SH3BP1: variants seen among roughly 807,000 people sequenced by gnomAD.
SH3BP1 encodes SH3 domain binding protein 1.
In SH3BP1, 46 loss-of-function variants were observed where a neutral mutation model predicts 69.8. That is an observed-to-expected ratio of 0.66 (90% CI 0.52 to 0.84). The LOEUF (loss-of-function observed/expected upper bound fraction) is 0.84, where lower values mean the gene tolerates loss of function less well. Among genes scored for constraint, SH3BP1 ranks in the 40% least tolerant of loss-of-function variants. The pLI is 0.00. For synonymous variants in SH3BP1, 403 were observed against 378.0 expected, an observed-to-expected ratio of 1.07 and a Z score of -0.77; for missense variants, 868 against 930.9, an observed-to-expected ratio of 0.93 and a Z score of 0.88.
chr22:37,646,798 C>G lies in SH3BP1; in HGVS notation c.925-20C>G, dbSNP rs1932792375. On this transcript the variant is annotated intron_variant, in intron 10 of 17. Transcript: ENST00000649765. ...CTGCCCACCCCTCTGTGACCCTTGC[C>G]TGCCTCCTCTCGAACCCAGGGTCTC... 1 of 1,474,552 alleles carries G rather than the reference C, an allele frequency of 6.8e-7. No homozygotes were observed. The highest frequency in any genetic ancestry group is 9.0e-7 in the Non-Finnish European group (1 of 1,108,226). 91.3% of individuals were successfully genotyped at this position (1,474,552 alleles called of 1,614,324 possible).
intron 9 of SH3BP1, 177 bp from the exon 10 acceptor site, chr22:37,645,188 A>AC (rs34409217): frequency 0.12 from 115,812 of 942,766 alleles, 9,263 homozygotes; most frequent in African/African-American, 0.33. Flanking sequence ...GGTGGCCTGG[A>AC]CTAGGACAGA....
intron 14 of SH3BP1, chr22:37,649,744 A>G (rs1459101273): frequency 3.7e-6 from 1 of 269,318 alleles, no homozygotes; most frequent in Non-Finnish European, 7.4e-6. Flanking sequence ...AGATCGGGCC[A>G]CTGCACCCCA....
At chr22:37,648,525 T>A (rs1460037743) in intron 14 of SH3BP1, 90 bp downstream of exon 14, 4 of 890,338 alleles carry the variant, frequency 4.5e-6, no homozygotes, top group Non-Finnish European at 7.2e-6. Context: ...GGCCTTGGTG[T>A]CCCCATTTTT....
Position 37,655,572 on chromosome 22 carries a change from TG to T in SH3BP1, c.1999del (p.Ala667LeufsTer42). The T allele has an allele frequency of 6.3e-7, 1 of 1,585,962 alleles. No individual in the cohort carries two copies. Among genetic ancestry groups the T allele is most frequent in the East Asian group, 2.3e-5 (1 of 43,654 alleles). On this transcript the variant is annotated frameshift_variant, in exon 18 of 18. Transcript: ENST00000649765. LOFTEE classifies it low-confidence loss of function (END_TRUNC). Reference sequence around the variant, plus strand: ...TTGAGTAACCCTGCACAGGTGGACCTGGGGGCTGCCACAGCAGAGGGAGGAG... The same window carrying T: ...TTGAGTAACCCTGCACAGGTGGACCTGGGGCTGCCACAGCAGAGGGAGGAG... ...VSLSNPAQVD[L>X]GAATAEGGAP...
rs762283796 is a variant in SH3BP1, at chr22:37,642,979, CCTGCAGCCACTCAGCAGG to C, written c.373_390del (p.Gln125_Leu130del). On this transcript the variant is annotated inframe_deletion, in exon 5 of 18. Coordinates refer to ENST00000649765, the MANE Select transcript of SH3BP1 (RefSeq NM_018957.6). ...TTGAGATGACCCTGGAGAGGGACGTCCTGCAGCCACTCAGCAGGCTGAGTGAGGTGAGCCTGTGCCCTG... is the reference window on the plus strand; with the variant it reads ...TTGAGATGACCCTGGAGAGGGACGTCCTGAGTGAGGTGAGCCTGTGCCCTG... 7 of 1,612,784 alleles carry C rather than the reference CCTGCAGCCACTCAGCAGG, an allele frequency of 4.3e-6. No homozygotes were observed. The highest frequency in any genetic ancestry group is 5.9e-6 in the Non-Finnish European group (7 of 1,179,942).
intron 10 of SH3BP1, among the ~76,000 whole-genome samples, chr22:37,646,131 T>C (rs1034797461): frequency 1.3e-5 from 2 of 151,856 alleles, no homozygotes; most frequent in Non-Finnish European, 2.9e-5. Context: ...CACGCCCAGC[T>C]AATTTTTGTA....
chr22:37,644,215 T>A (rs1932728963), intron 7 of SH3BP1, among the ~76,000 whole-genome samples: 1 of 152,056 alleles, frequency 6.6e-6, no homozygotes, highest in African/African-American at 2.4e-5. Flanking sequence ...CTGTCTCTAC[T>A]AAAAATACAA....
At chr22:37,639,920 C>A in intron 1 of SH3BP1, 74 bp downstream of exon 1, 1 of 475,068 alleles carries the variant, frequency 2.1e-6, no homozygotes, top group Non-Finnish European at 4.0e-6. Context: ...TCGGGGGAGA[C>A]GGGGGTGGGG....
rs756606181 is a variant in SH3BP1 at position 37,645,377 on chromosome 22, C to G, written c.791C>G (p.Ser264Trp). Residue 264 changes from serine to tryptophan, a missense_variant, in exon 10 of 18, where the codon TCG (serine) becomes TGG (tryptophan). Physicochemically the swap from Ser to Trp is radical, Grantham distance 177 (BLOSUM62 -3). Coordinates refer to ENST00000649765, the MANE Select transcript of SH3BP1 (RefSeq NM_018957.6). ...TTCATCCCTGCAGACCACTCCCCTT[C>G]GATGACAGCCACCCACTTCCCCAGG... ...ENHGQADHSPSMTATHFPRVY... is the reference protein window; with the variant it reads ...ENHGQADHSPWMTATHFPRVY... 3 of 1,609,222 alleles carry G rather than the reference C, an allele frequency of 1.9e-6. No homozygotes were observed. The South Asian group carries it at 3.3e-5, about 18-fold the overall frequency.
chr22:37,645,755 C>T (rs1436786562), intron 10 of SH3BP1, among the ~76,000 whole-genome samples: 2 of 152,130 alleles, frequency 1.3e-5, no homozygotes, highest in Non-Finnish European at 2.9e-5. Context: ...AAGAGGGAGA[C>T]AGAGGTAGAG....
chr22:37,641,281 G>C (rs943684451), intron 2 of SH3BP1, 93 bp from the exon 3 acceptor site: 42 of 1,508,832 alleles, frequency 2.8e-5, no homozygotes, highest in Non-Finnish European at 3.3e-5. Flanking sequence ...TCCTCAAGCT[G>C]TTGGCCATGG....
In SH3BP1 at chr22:37,653,884, TGTGGGAGGGGAGGAGGGGACAGAGG is replaced by T; in HGVS notation, c.1693+17_1693+41del. The T allele has an allele frequency of 4.0e-6, 5 of 1,259,064 alleles. No homozygotes were observed. Among genetic ancestry groups the T allele is most frequent in the African/African-American group, 1.6e-5 (1 of 63,208 alleles). 78.0% of individuals were successfully genotyped at this position (1,259,064 alleles called of 1,614,324 possible). A position where few individuals can be genotyped will look rare whatever the true frequency, so the allele number is the denominator to read the frequency against. Reference sequence around the variant, plus strand: ...ACATGGCTCGGAGGAGTGAGTTGGCTGTGGGAGGGGAGGAGGGGACAGAGGGTGGGCGGGGAGAGGGGACAGGCAG... The same window carrying T: ...ACATGGCTCGGAGGAGTGAGTTGGCTGTGGGCGGGGAGAGGGGACAGGCAG... On this transcript the variant is annotated intron_variant, in intron 17 of 17. Coordinates refer to ENST00000649765, the MANE Select transcript of SH3BP1 (RefSeq NM_018957.6).
chr22:37,641,588 G>A (rs1932601369), intron 3 of SH3BP1, 110 bp downstream of exon 3: 5 of 910,178 alleles, frequency 5.5e-6, no homozygotes, highest in East Asian at 2.6e-5. Context: ...TGGCACCAAG[G>A]GCATGGAGAC....
chr22:37,647,423 C>T lies in SH3BP1; in HGVS notation c.1119-18C>T. On this transcript the variant is annotated intron_variant, in intron 12 of 17. Coordinates refer to ENST00000649765, the MANE Select transcript of SH3BP1 (RefSeq NM_018957.6). ...TGTAGCCCTGCGCTGGCTGACAGGT[C>T]TCTCCACTCCCCCCCAGCCTGAAGG... The T allele has an allele frequency of 6.2e-7, 1 of 1,610,878 alleles. No individual in the cohort carries two copies. Among genetic ancestry groups the T allele is most frequent in the South Asian group, 1.1e-5 (1 of 90,848 alleles).
At chr22:37,647,002 T>C in intron 11 of SH3BP1, 73 bp downstream of exon 11, 1 of 1,014,528 alleles carries the variant, frequency 9.9e-7, no homozygotes, top group Non-Finnish European at 1.4e-6. Flanking sequence ...GATCCCAAGA[T>C]AGCCTGGCTT....
In SH3BP1 at chr22:37,643,696, C is replaced by T. The variant is rs1439445557; in HGVS notation, c.526C>T (p.Pro176Ser). The change falls in exon 7 of 18, where the codon CCG (proline) becomes TCG (serine). Residue 176 changes from proline to serine, a missense_variant. Transcript: ENST00000649765. ...SGSSQGLGGSPGSHSHTTMAN... is the reference protein window; with the variant it reads ...SGSSQGLGGSSGSHSHTTMAN... ...CAGCAGTCAAGGCCTAGGAGGCAGC[C>T]CGGGTAGTCACAGCCATACGACCAT... 6.2e-7 allele frequency: 1 copy of T among 1,613,972 alleles called. No homozygotes were observed. The highest frequency in any genetic ancestry group is 8.5e-7 in the Non-Finnish European group (1 of 1,180,036).
At chr22:37,644,366 G>A (rs1932735522) in intron 7 of SH3BP1, among the ~76,000 whole-genome samples, 1 of 152,234 alleles carries the variant, frequency 6.6e-6, no homozygotes, top group Non-Finnish European at 1.5e-5. Flanking sequence ...GCAACAGTGT[G>A]AGACTCCGTC....
chr22:37,649,389 G>C (rs1489415287), intron 14 of SH3BP1, among the ~76,000 whole-genome samples: 5 of 152,154 alleles, frequency 3.3e-5, no homozygotes, highest in Admixed American at 1.3e-4. Flanking sequence ...AGAAGGCTGA[G>C]ATGGGAGGAC....
chr22:37,640,061 GC>G (rs927728402), intron 1 of SH3BP1, among the ~76,000 whole-genome samples: 6 of 152,138 alleles, frequency 3.9e-5, no homozygotes, highest in Non-Finnish European at 5.9e-5. Context: ...GGGAAGGGAT[GC>G]CCCCCCTTAC....
Sources: allele counts gnomAD v4.1 joint callset (sites outside exome capture counted in the v4.1 genomes callset), GRCh38; gene constraint gnomAD v4.1.1; transcripts MANE v1.5; gene names NCBI Gene and HGNC (gene_info 2026-07-23, HGNC 2026-07-21).